Variants in CCBE1 observed in about 807,000 individuals in gnomAD.
The protein encoded by CCBE1 is collagen and calcium-binding EGF domain-containing protein 1.
CCBE1 carries 37 observed loss-of-function variants against 50.0 expected under a neutral mutation model. The observed-to-expected ratio is 0.74, with a 90% CI of 0.57 to 0.97. The LOEUF is 0.97. CCBE1 is among the 50% of genes least tolerant of loss of function. The pLI is 0.00. For missense variants in CCBE1, 538 were observed against 523.8 expected (o/e 1.03, Z -0.26); for synonymous variants, 234 against 203.7 (o/e 1.15, Z -1.27).
intron 2 of CCBE1, among the ~76,000 whole-genome samples, chr18:59,583,964 A>T (rs950230899): frequency 2.9e-4 from 44 of 152,130 alleles, no homozygotes; most frequent in African/African-American, 7.7e-4. Flanking sequence ...GATCTAGAAC[A>T]AGAAATACCA....
intron 2 of CCBE1, among the ~76,000 whole-genome samples, chr18:59,643,605 G>T (rs997521855): frequency 3.3e-5 from 5 of 152,160 alleles, no homozygotes; most frequent in African/African-American, 1.2e-4. Context: ...GACCAGCCTG[G>T]CCAACATGGC....
chr18:59,547,890 C>T lies in CCBE1; in HGVS notation c.213-67652G>A, dbSNP rs1333665411. ...GAAAACCGAGATCATCCTGTTCTCACAGGAAAGTGCAACCTGACCGAAATA... is the reference window on the plus strand; with the variant it reads ...GAAAACCGAGATCATCCTGTTCTCATAGGAAAGTGCAACCTGACCGAAATA... On this transcript the variant is annotated intron_variant, in intron 2 of 10. Transcript: ENST00000439986. 3.3e-5 allele frequency among the ~76,000 whole-genome samples: 5 copies of T among 152,322 alleles called. No homozygotes were observed. The East Asian group carries it at 9.7e-4, about 29-fold the overall frequency.
At chr18:59,543,044 C>G (rs1915530972) in intron 2 of CCBE1, among the ~76,000 whole-genome samples, 1 of 152,210 alleles carries the variant, frequency 6.6e-6, no homozygotes, top group Admixed American at 6.5e-5. Context: ...ACAAGTATAA[C>G]TTAGATTCTC....
chr18:59,683,153 A>G (rs2054614670), intron 2 of CCBE1, among the ~76,000 whole-genome samples: 1 of 152,220 alleles, frequency 6.6e-6, no homozygotes, highest in South Asian at 2.1e-4. Flanking sequence ...ACCCCTGAAT[A>G]TTAGAACCCT....
chr18:59,536,251 C>T (rs184265553), intron 2 of CCBE1, among the ~76,000 whole-genome samples: 16 of 152,304 alleles, frequency 1.1e-4, no homozygotes, highest in Admixed American at 4.6e-4. Context: ...AAGAGTCTGA[C>T]GGTGTGCCAT....
In CCBE1 at chr18:59,672,157, A is replaced by C. The variant is rs574393367; in HGVS notation, c.212+24472T>G. On this transcript the variant is annotated intron_variant, in intron 2 of 10. Coordinates refer to ENST00000439986, the MANE Select transcript of CCBE1 (RefSeq NM_133459.4). ...ATGTGGCTGGAGTAGCTGTTTGGAA[A>C]ATCATAGTATCATGAGACCAGAAGC... Among the ~76,000 whole-genome samples, 9 of 152,330 alleles carry C rather than the reference A, an allele frequency of 5.9e-5. No homozygotes were observed. The East Asian group carries it at 1.7e-3, about 29-fold the overall frequency.
chr18:59,575,571 G>A lies in CCBE1; in HGVS notation c.213-95333C>T, dbSNP rs191788968. On this transcript the variant is annotated intron_variant, in intron 2 of 10. Coordinates refer to ENST00000439986, the MANE Select transcript of CCBE1 (RefSeq NM_133459.4). ...CACAATATGATCAATGCTGACAAAGGATGGCAGAATTTGAGAGAGGAGCAA... is the reference window on the plus strand; with the variant it reads ...CACAATATGATCAATGCTGACAAAGAATGGCAGAATTTGAGAGAGGAGCAA... 2.7e-3 allele frequency among the ~76,000 whole-genome samples: 412 copies of A among 152,288 alleles called. 2 individuals are homozygous for A. The highest frequency in any genetic ancestry group is 3.5e-3 in the Non-Finnish European group (236 of 68,024).
intron 2 of CCBE1, among the ~76,000 whole-genome samples, chr18:59,519,962 T>C (rs1425361896): frequency 6.6e-6 from 1 of 152,224 alleles, no homozygotes; most frequent in Non-Finnish European, 1.5e-5. Flanking sequence ...TTGTCAGGCT[T>C]GTCAAAGATC....
intron 2 of CCBE1, among the ~76,000 whole-genome samples, chr18:59,596,789 G>A (rs551235716): frequency 1.3e-5 from 2 of 152,342 alleles, no homozygotes; most frequent in South Asian, 4.1e-4. Flanking sequence ...GGCCACAGGT[G>A]TGACTTCTGA....
intron 2 of CCBE1, among the ~76,000 whole-genome samples, chr18:59,663,490 TGATGCTGCAGAGTTC>T (rs1432726575): frequency 2.0e-5 from 3 of 152,158 alleles, no homozygotes; most frequent in African/African-American, 7.2e-5. Context: ...AATTCTTCAC[TGATGCTGCAGAGTTC>T]TGTGAGGCTG....
chr18:59,500,366 G>A (rs962733312), intron 2 of CCBE1, among the ~76,000 whole-genome samples: 3 of 152,216 alleles, frequency 2.0e-5, no homozygotes, highest in Non-Finnish European at 4.4e-5. Flanking sequence ...CAGTGGGAAT[G>A]AAGTCTTCGG....
chr18:59,537,763 C>T (rs17770541), intron 2 of CCBE1, among the ~76,000 whole-genome samples: 44,689 of 151,992 alleles, frequency 0.29, 7,006 homozygotes, highest in Non-Finnish European at 0.35. Context: ...TTCTGTTTAA[C>T]ACATTTTTCC....
chr18:59,465,555 G>T (rs1023509446), intron 5 of CCBE1: 2 of 152,168 alleles, frequency 1.3e-5, no homozygotes, highest in African/African-American at 4.8e-5. Context: ...ACTGCCTGTG[G>T]ACTGATACTT....
At chr18:59,476,176 G>A (rs1010826554) in intron 3 of CCBE1, among the ~76,000 whole-genome samples, 3 of 152,146 alleles carry the variant, frequency 2.0e-5, no homozygotes, top group Non-Finnish European at 4.4e-5. Context: ...ACAAAATAAA[G>A]ATAATAATAC....
rs376343676 is a variant in CCBE1, at chr18:59,697,164, C to T, written c.131+48G>A. The T allele has an allele frequency of 1.1e-4, 167 of 1,546,178 alleles. No individual in the cohort carries two copies. The African/African-American group carries it at 1.6e-3, about 15-fold the overall frequency. ...GACCGCCCGCACCCCGCGAGCCGGGCGCGCATCAAGCAGGAGCTCGCCCTC... is the reference window on the plus strand; with the variant it reads ...GACCGCCCGCACCCCGCGAGCCGGGTGCGCATCAAGCAGGAGCTCGCCCTC... On this transcript the variant is annotated intron_variant, in intron 1 of 10. Coordinates refer to ENST00000439986, the MANE Select transcript of CCBE1 (RefSeq NM_133459.4).
chr18:59,683,374 G>T (rs1475872907), intron 2 of CCBE1, among the ~76,000 whole-genome samples: 3 of 152,190 alleles, frequency 2.0e-5, no homozygotes, highest in Non-Finnish European at 2.9e-5. Context: ...CATTTAAAAG[G>T]CTGAACAGTG....
chr18:59,473,048 C>G (rs564437000), intron 3 of CCBE1, among the ~76,000 whole-genome samples: 5 of 152,050 alleles, frequency 3.3e-5, no homozygotes, highest in African/African-American at 1.2e-4. Context: ...TATTACAGTT[C>G]GATGTGAGAT....
At chr18:59,626,433 T>C (rs562288816) in intron 2 of CCBE1, among the ~76,000 whole-genome samples, 1 of 152,196 alleles carries the variant, frequency 6.6e-6, no homozygotes, top group Non-Finnish European at 1.5e-5. Flanking sequence ...GAGGAGATTA[T>C]AAACATGACA....
intron 7 of CCBE1, among the ~76,000 whole-genome samples, chr18:59,440,954 T>C (rs907078351): frequency 1.8e-4 from 27 of 152,310 alleles, no homozygotes; most frequent in African/African-American, 6.5e-4. Flanking sequence ...AAAAATCCAC[T>C]GGTAACCTAG....
Sources: gnomAD v4.1 joint callset for allele counts (sites outside exome capture counted in the v4.1 genomes callset) on GRCh38, gnomAD v4.1.1 for gene constraint, MANE v1.5 for transcripts, NCBI Gene and HGNC (gene_info 2026-07-23, HGNC 2026-07-21) for gene names.